Variants in STK3 observed in about 807,000 individuals in gnomAD.
STK3 encodes the protein serine/threonine-protein kinase 3.
A neutral mutation model predicts 58.0 loss-of-function variants in STK3; 41 were observed. The observed-to-expected ratio is 0.71, with a 90% confidence interval of 0.55 to 0.92. The LOEUF (loss-of-function observed/expected upper bound fraction) is 0.92. Ranked by LOEUF, STK3 falls within the 40% of genes least tolerant of loss-of-function variation. The pLI is 0.00. For synonymous variants in STK3, 170 were observed against 191.0 expected (o/e 0.89, Z 0.91); for missense variants, 479 against 602.7 (o/e 0.79, Z 2.15).
At chr8:98,512,703 A>G (rs1404908661) in intron 10 of STK3, among the ~76,000 whole-genome samples, 1 of 152,180 alleles carries the variant, frequency 6.6e-6, no homozygotes, top group East Asian at 1.9e-4. Context: ...GCCACTGGAA[A>G]TTCTGTAAGC....
At chr8:98,399,486 G>T (rs1301218989), downstream of STK3, among the ~76,000 whole-genome samples, 2 of 152,268 alleles carry the variant, frequency 1.3e-5, no homozygotes, top group African/African-American at 4.8e-5. Context: ...GACTGGAGGG[G>T]AGATATTGAC....
intron 6 of STK3, among the ~76,000 whole-genome samples, chr8:98,599,560 C>T (rs141081380): frequency 6.6e-6 from 1 of 151,934 alleles, no homozygotes; most frequent in African/African-American, 2.4e-5. Flanking sequence ...ACTCTAACTG[C>T]CTAGCAATTG....
upstream of STK3, among the ~76,000 whole-genome samples, chr8:98,828,437 CAAAAAAAAAA>C (rs367737626): frequency 1.9e-4 from 9 of 48,588 alleles, no homozygotes; most frequent in African/African-American, 2.7e-4. Context: ...CCCATCTCTA[CAAAAAAAAAA>C]AAAAAAAAAA....
intron 6 of STK3, among the ~76,000 whole-genome samples, chr8:98,604,029 A>G (rs1816577049): frequency 6.6e-6 from 1 of 152,196 alleles, no homozygotes; most frequent in African/African-American, 2.4e-5. Context: ...GGGAGCCAGG[A>G]GAGTCAGAGG....
At chr8:98,372,907 T>C (rs1333052552) in intron 2 of STK3, among the ~76,000 whole-genome samples, 1 of 152,226 alleles carries the variant, frequency 6.6e-6, no homozygotes, top group African/African-American at 2.4e-5. Context: ...CCTGAGGTTA[T>C]GATGAGAATT....
intron 4 of STK3, among the ~76,000 whole-genome samples, chr8:98,708,048 A>C (rs1262443742): frequency 6.6e-6 from 1 of 152,004 alleles, no homozygotes; most frequent in African/African-American, 2.4e-5. Flanking sequence ...CTGAGGCAGG[A>C]GAGTCACTTG....
At chr8:98,504,021 A>G (rs1280720910) in intron 10 of STK3, among the ~76,000 whole-genome samples, 8 of 152,144 alleles carry the variant, frequency 5.3e-5, no homozygotes, top group African/African-American at 1.7e-4. Context: ...GTGGGAGTCT[A>G]AGTCTCTTTG....
intron 3 of STK3, among the ~76,000 whole-genome samples, chr8:98,860,751 AAC>A (rs1329627971): frequency 2.0e-5 from 3 of 152,122 alleles, no homozygotes; most frequent in African/African-American, 4.8e-5. Context: ...GCATACGACA[AAC>A]ACACAAAAAT....
intron 6 of STK3, among the ~76,000 whole-genome samples, chr8:98,637,744 T>A (rs190146408): frequency 1.3e-5 from 2 of 152,250 alleles, no homozygotes; most frequent in East Asian, 3.9e-4. Flanking sequence ...GTATTACAGT[T>A]TTAAATGAGC....
intron 1 of STK3, among the ~76,000 whole-genome samples, chr8:98,790,407 G>A (rs578058569): frequency 2.6e-5 from 4 of 152,092 alleles, no homozygotes; most frequent in East Asian, 1.9e-4. Flanking sequence ...AAACAGAATC[G>A]AACACGAAAA....
chr8:98,800,002 A>C lies in STK3; in HGVS notation c.27-25183T>G, dbSNP rs1833417286. Reference sequence around the variant, plus strand: ...TCAGCCAGGGATAGTACAAGATGCCACCCAGCGTTTACAGGAAAAGGCTTC... The same window carrying C: ...TCAGCCAGGGATAGTACAAGATGCCCCCCAGCGTTTACAGGAAAAGGCTTC... On this transcript the variant is annotated intron_variant, in intron 1 of 10. Coordinates refer to ENST00000419617, the MANE Select transcript of STK3 (RefSeq NM_006281.4). The surrounding 1 kb of genome is among the most constrained non-coding windows in gnomAD (Gnocchi z 4.8). Among the ~76,000 whole-genome samples the C allele has an allele frequency of 6.6e-6, 1 of 152,190 alleles. No individual in the cohort carries two copies. The highest frequency in any genetic ancestry group is 6.5e-5 in the Admixed American group (1 of 15,276).
intron 1 of STK3, chr8:98,437,547 T>G (rs192940797): frequency 7.4e-4 from 112 of 152,322 alleles, no homozygotes; most frequent in African/African-American, 2.6e-3. Flanking sequence ...TAAAACTCTT[T>G]TTGTCGCCTA....
intron 8 of STK3, among the ~76,000 whole-genome samples, chr8:98,550,472 T>A (rs890739861): frequency 1.4e-4 from 21 of 152,160 alleles, no homozygotes; most frequent in Admixed American, 6.5e-5. Context: ...TCTGTCTCCA[T>A]CCCCAACAAC....
intron 6 of STK3, among the ~76,000 whole-genome samples, chr8:98,690,769 G>A (rs768341172): frequency 9.2e-5 from 14 of 152,150 alleles, no homozygotes; most frequent in Non-Finnish European, 1.9e-4. Flanking sequence ...AACAAAGCCA[G>A]AGACATCAAT....
intron 6 of STK3, chr8:98,598,767 T>A (rs1196418065): frequency 1.0e-6 from 1 of 985,334 alleles, no homozygotes; most frequent in Non-Finnish European, 1.2e-6. Context: ...GATTGAAGAA[T>A]GTTAGTAAAA....
At chr8:98,447,541 A>T (rs1194986651) in intron 1 of STK3, among the ~76,000 whole-genome samples, 1 of 148,336 alleles carries the variant, frequency 6.7e-6, no homozygotes, top group Admixed American at 6.8e-5. Flanking sequence ...ATCGTATTGC[A>T]TATATACTAT....
chr8:98,444,560 A>G (rs1240805704), intron 1 of STK3, among the ~76,000 whole-genome samples: 4 of 152,176 alleles, frequency 2.6e-5, no homozygotes, highest in Non-Finnish European at 5.9e-5. Context: ...AACATCTTGG[A>G]AGACTGAACT....
chr8:98,912,091 A>G (rs1181593291), intron 1 of STK3, among the ~76,000 whole-genome samples: 1 of 152,196 alleles, frequency 6.6e-6, no homozygotes, highest in African/African-American at 2.4e-5. Context: ...TCAGAACTTT[A>G]TCTTGGGCCG....
downstream of STK3, among the ~76,000 whole-genome samples, chr8:98,396,767 AG>A (rs1374136517): frequency 6.6e-6 from 1 of 152,254 alleles, no homozygotes; most frequent in Non-Finnish European, 1.5e-5. Context: ...TGAAGTGACA[AG>A]CAGCCACGCT....
Sources: allele counts gnomAD v4.1 joint callset (sites outside exome capture counted in the v4.1 genomes callset), GRCh38; gene constraint gnomAD v4.1.1; non-coding constraint Gnocchi (gnomAD v3.1); transcripts MANE v1.5; gene names NCBI Gene and HGNC (gene_info 2026-07-23, HGNC 2026-07-21).